Variants in NUDT6 observed in about 807,000 individuals in gnomAD.
NUDT6 encodes nudix hydrolase 6.
Under a neutral mutation model 36.8 loss-of-function variants are expected in NUDT6, and 24 were observed. The observed-to-expected ratio is 0.65, with a 90% confidence interval of 0.47 to 0.92. NUDT6 has a LOEUF of 0.92. NUDT6 is among the 40% of genes least tolerant of loss of function. The probability of loss-of-function intolerance (pLI) is 0.00; values close to 1 mark genes in which losing one functional copy is unlikely to be tolerated. For missense variants in NUDT6, 388 were observed against 392.8 expected, an observed-to-expected ratio of 0.99 and a Z score of 0.10; for synonymous variants, 163 against 157.0, an observed-to-expected ratio of 1.04 and a Z score of -0.29.
chr4:122,907,242 T>C lies in NUDT6; in HGVS notation c.498+5326A>G, dbSNP rs1379043743. On this transcript the variant is annotated intron_variant, in intron 3 of 4. Coordinates refer to ENST00000304430, the MANE Select transcript of NUDT6 (RefSeq NM_007083.5). ...GCCTCCTGGGTTCTAGTGATTCTCC[T>C]GCCTCAGCCTCCTGAGTAGCTGGGA... Among the ~76,000 whole-genome samples the C allele has an allele frequency of 4.6e-5, 7 of 152,058 alleles. No individual in the cohort carries two copies. In the East Asian group the frequency reaches 1.4e-3, roughly 29 times the overall value.
intron 3 of NUDT6, among the ~76,000 whole-genome samples, chr4:122,904,456 T>C (rs1727580078): frequency 6.7e-6 from 1 of 148,496 alleles, no homozygotes; most frequent in Non-Finnish European, 1.5e-5. Flanking sequence ...CCCCACCTAC[T>C]TTCTATAATT....
chr4:122,893,315 A>C, intron 4 of NUDT6, 90 bp from the exon 5 acceptor site: 1 of 1,275,064 alleles, frequency 7.8e-7, no homozygotes, highest in Non-Finnish European at 1.1e-6. Flanking sequence ...AGCATTATGT[A>C]AAGGCTCAAA....
At chr4:122,908,766 C>T (rs1727674083) in intron 3 of NUDT6, among the ~76,000 whole-genome samples, 1 of 152,154 alleles carries the variant, frequency 6.6e-6, no homozygotes, top group African/African-American at 2.4e-5. Flanking sequence ...AAATTAATCT[C>T]TTATTACCCT....
intron 3 of NUDT6, among the ~76,000 whole-genome samples, chr4:122,903,402 GAAGCTC>G (rs1408515546): frequency 6.6e-6 from 1 of 152,194 alleles, no homozygotes; most frequent in Non-Finnish European, 1.5e-5. Flanking sequence ...GCAGAGCCAG[GAAGCTC>G]AATGTGCTAG....
chr4:122,907,513 C>G (rs187640355), intron 3 of NUDT6, among the ~76,000 whole-genome samples: 1 of 146,860 alleles, frequency 6.8e-6, no homozygotes, highest in African/African-American at 2.5e-5. Flanking sequence ...TGCAGTGGCG[C>G]GATCTTGGCT....
chr4:122,907,951 T>C (rs780048425), intron 3 of NUDT6, among the ~76,000 whole-genome samples: 4 of 152,198 alleles, frequency 2.6e-5, no homozygotes, highest in African/African-American at 2.4e-5. Context: ...CTTTTTTACA[T>C]TTTGGAAGCA....
Position 122,922,458 on chromosome 4 carries a change from G to T in NUDT6, c.115C>A (p.Pro39Thr). ...TGCAGATCGCACGCTCCAACTGGCG[G>T]ATTCCGCACGTAACCCTGTGCGCCC... Reference protein sequence around the residue: ...ASGAQGYVRNPPVGACDLQGE... With the variant: ...ASGAQGYVRNTPVGACDLQGE... The change falls in exon 1 of 5, where the codon CCG (proline) becomes ACG (threonine). Residue 39 changes from proline (P) to threonine (T), a missense_variant. Pro to Thr is a conservative substitution (Grantham distance 38, BLOSUM62 -1). Coordinates refer to ENST00000304430, the MANE Select transcript of NUDT6 (RefSeq NM_007083.5). The T allele has an allele frequency of 6.2e-7, 1 of 1,612,080 alleles. No homozygotes were observed. The highest frequency in any genetic ancestry group is 8.5e-7 in the Non-Finnish European group (1 of 1,179,864).
chr4:122,899,077 C>G (rs1044266422), intron 3 of NUDT6, among the ~76,000 whole-genome samples: 1 of 31,882 alleles, frequency 3.1e-5, no homozygotes, highest in African/African-American at 7.1e-5. Context: ...GAGATTTCAC[C>G]GTGTTGCCCA....
At chr4:122,915,992 T>G (rs2150809380) in intron 2 of NUDT6, among the ~76,000 whole-genome samples, 1 of 152,280 alleles carries the variant, frequency 6.6e-6, no homozygotes, top group Non-Finnish European at 1.5e-5. Context: ...ATAAAATTAT[T>G]AATTAAATAA....
At chr4:122,917,372 G>A (rs1727865726) in intron 2 of NUDT6, 129 bp downstream of exon 2, 22 of 820,574 alleles carry the variant, frequency 2.7e-5, no homozygotes, top group Non-Finnish European at 3.6e-5. Context: ...CAGATAGGGT[G>A]GAACCACCGT....
Position 122,893,189 on chromosome 4 carries a change from C to T in NUDT6, c.590G>A (p.Gly197Asp). Residue 197 changes from glycine to aspartate, a missense_variant, in exon 5 of 5, where the codon GGT becomes GAT. Gly to Asp is a moderately conservative substitution (Grantham distance 94). Transcript: ENST00000304430. Reference protein sequence around the residue: ...TAVREVFEETGIKSEFRSVLS... With the variant: ...TAVREVFEETDIKSEFRSVLS... ...GACGGACCTGAATTCTGATTTTATACCAGTCTCTTCAAAAACTTCTCGAAC... is the reference window on the plus strand; with the variant it reads ...GACGGACCTGAATTCTGATTTTATATCAGTCTCTTCAAAAACTTCTCGAAC... 9 of 1,612,146 alleles carry T rather than the reference C, an allele frequency of 5.6e-6. No homozygotes were observed. The highest frequency in any genetic ancestry group is 7.6e-6 in the Non-Finnish European group (9 of 1,178,982).
At chr4:122,912,731 C>A in intron 2 of NUDT6, 108 bp from the exon 3 acceptor site, 2 of 703,318 alleles carry the variant, frequency 2.8e-6, no homozygotes, top group Non-Finnish European at 5.0e-6. Flanking sequence ...ATACTTGAAG[C>A]CTTGGTTCAA....
intron 2 of NUDT6, among the ~76,000 whole-genome samples, chr4:122,916,873 TGGGACAGCTGATCTGATAACA>T (rs1474822863): frequency 6.6e-6 from 1 of 152,180 alleles, no homozygotes; most frequent in Non-Finnish European, 1.5e-5. Flanking sequence ...ACTGTGATAC[TGGGACAGCTGATCTGATAACA>T]GGGAAGGCTA....
chr4:122,917,686 C>T lies in NUDT6; in HGVS notation c.257G>A (p.Arg86Gln), dbSNP rs374499771. The change falls in exon 2 of 5, where the codon CGA becomes CAA. Residue 86 changes from arginine to glutamine, a missense_variant. Arg to Gln is a conservative substitution (Grantham distance 43). Coordinates refer to ENST00000304430, the MANE Select transcript of NUDT6 (RefSeq NM_007083.5). ...CCATACAGCTGTTCTACCTTCTGAT[C>T]GCCATTGCTGTACTGCAGCTAAATG... ...KGLQAAVQQW[R>Q]SEGRTAVWLH... 15 of 1,613,930 alleles carry T rather than the reference C, an allele frequency of 9.3e-6. No individual in the cohort carries two copies. In the African/African-American group the frequency reaches 1.1e-4, roughly 11 times the overall value.
rs770592662 is a variant in NUDT6, at chr4:122,922,411, C to T, written c.162G>A (p.Gly54=). The part of the protein sequence containing the change: ...CDLQGELDRF[G]GISVRLARLD... Reference sequence around the variant, plus strand: ...GCCGCGCCAGGCGCACCGAGATGCCCCCGAATCTGTCCAGCTCGCCCTGCA... The same window carrying T: ...GCCGCGCCAGGCGCACCGAGATGCCTCCGAATCTGTCCAGCTCGCCCTGCA... Residue 54 remains glycine, a synonymous_variant, in exon 1 of 5, where the codon GGG becomes GGA. Transcript: ENST00000304430. The T allele has an allele frequency of 2.5e-6, 4 of 1,611,220 alleles. No individual in the cohort carries two copies. The highest frequency in any genetic ancestry group is 3.4e-6 in the Non-Finnish European group (4 of 1,179,864).
chr4:122,915,888 C>T (rs1727829867), intron 2 of NUDT6, among the ~76,000 whole-genome samples: 2 of 152,140 alleles, frequency 1.3e-5, no homozygotes, highest in South Asian at 2.1e-4. Context: ...AAGACAGGGA[C>T]AGAGAAGACA....
chr4:122,908,708 G>A (rs1172001348), intron 3 of NUDT6, among the ~76,000 whole-genome samples: 2 of 152,134 alleles, frequency 1.3e-5, no homozygotes, highest in African/African-American at 4.8e-5. Flanking sequence ...GTTTTACAGA[G>A]TCTGACTTTT....
intron 3 of NUDT6, 139 bp downstream of exon 3, chr4:122,912,429 G>A: frequency 1.5e-6 from 1 of 656,272 alleles, no homozygotes; most frequent in Middle Eastern, 4.3e-4. Context: ...AAATATCTAA[G>A]GTGATCCATA....
intron 3 of NUDT6, among the ~76,000 whole-genome samples, chr4:122,903,067 T>C (rs1386571613): frequency 2.0e-5 from 3 of 152,200 alleles, no homozygotes; most frequent in Admixed American, 6.5e-5. Flanking sequence ...ATCAGTTATA[T>C]TGAAATATCA....
Sources: gnomAD v4.1 joint callset for allele counts (sites outside exome capture counted in the v4.1 genomes callset) on GRCh38, gnomAD v4.1.1 for gene constraint, MANE v1.5 for transcripts, NCBI Gene and HGNC (gene_info 2026-07-23, HGNC 2026-07-21) for gene names.